EXT1: variants seen among roughly 807,000 people sequenced by gnomAD.
EXT1 encodes exostosin-1.
EXT1 carries 20 observed loss-of-function variants against 82.5 expected under a neutral mutation model. The observed-to-expected ratio is 0.24, with a 90% CI of 0.17 to 0.35. The LOEUF (loss-of-function observed/expected upper bound fraction) is 0.35, where lower values mean the gene tolerates loss of function less well. EXT1 is among the 10% of genes least tolerant of loss of function. The pLI, the probability that EXT1 is intolerant of heterozygous loss-of-function variation, is 1.00. For synonymous variants in EXT1, 348 were observed against 350.8 expected (o/e 0.99, Z 0.09); for missense variants, 757 against 936.5 (o/e 0.81, Z 2.50).
chr8:117,961,128 C>CCCTCCTTG (rs1474194820), intron 1 of EXT1, among the ~76,000 whole-genome samples: 1 of 151,836 alleles, frequency 6.6e-6, no homozygotes, highest in African/African-American at 2.4e-5. Flanking sequence ...TTCCCTCCTT[C>CCCTCCTTG]CCTCCTTCCC....
chr8:118,032,030 T>G (rs1289851325), intron 1 of EXT1, among the ~76,000 whole-genome samples: 1 of 151,476 alleles, frequency 6.6e-6, no homozygotes, highest in Non-Finnish European at 1.5e-5. Flanking sequence ...TGCCACACCC[T>G]TGCAGTGACT....
intron 1 of EXT1, among the ~76,000 whole-genome samples, chr8:118,071,757 T>C (rs1190992673): frequency 6.6e-6 from 1 of 152,128 alleles, no homozygotes; most frequent in Non-Finnish European, 1.5e-5. Flanking sequence ...GACAGAAACG[T>C]TCCTTTTCTG....
chr8:118,051,020 G>C (rs1816708222), intron 1 of EXT1, among the ~76,000 whole-genome samples: 1 of 152,138 alleles, frequency 6.6e-6, no homozygotes, highest in Admixed American at 6.5e-5. Flanking sequence ...AGCAGAGAAG[G>C]TATAATCCAT....
At chr8:117,986,710 C>T (rs116007758) in intron 1 of EXT1, among the ~76,000 whole-genome samples, 2,065 of 152,266 alleles carry the variant, frequency 0.014, 47 homozygotes, top group African/African-American at 0.047. Flanking sequence ...ACATACCGGA[C>T]CACTTCGTGG....
intron 1 of EXT1, among the ~76,000 whole-genome samples, chr8:117,994,732 A>G (rs1815501914): frequency 6.6e-6 from 1 of 152,056 alleles, no homozygotes; most frequent in Admixed American, 6.5e-5. Flanking sequence ...CCATGGAGCT[A>G]GCAAGTCTAA....
chr8:117,943,601 G>A (rs986672508), intron 1 of EXT1, among the ~76,000 whole-genome samples: 2 of 152,200 alleles, frequency 1.3e-5, no homozygotes, highest in African/African-American at 4.8e-5. Context: ...GTGTTTGCAC[G>A]TACATGCCTG....
chr8:118,065,995 G>A (rs922330241), intron 1 of EXT1, among the ~76,000 whole-genome samples: 2 of 152,186 alleles, frequency 1.3e-5, no homozygotes, highest in African/African-American at 4.8e-5. Context: ...GGCCATTCCA[G>A]TTCCAATAAG....
At chr8:117,874,303 C>T (rs886462730) in intron 1 of EXT1, among the ~76,000 whole-genome samples, 14 of 151,850 alleles carry the variant, frequency 9.2e-5, no homozygotes, top group African/African-American at 2.4e-4. Context: ...CAATCCTGGC[C>T]GGACGTGGTA....
At chr8:117,876,818 GA>G (rs1267657789) in intron 1 of EXT1, among the ~76,000 whole-genome samples, 7 of 152,156 alleles carry the variant, frequency 4.6e-5, no homozygotes, top group African/African-American at 1.7e-4. Flanking sequence ...GATATTTACG[GA>G]AGCGCGTATT....
At chr8:117,901,437 T>C (rs1218165040) in intron 1 of EXT1, among the ~76,000 whole-genome samples, 1 of 152,156 alleles carries the variant, frequency 6.6e-6, no homozygotes, top group Non-Finnish European at 1.5e-5. Flanking sequence ...CTTGCAAGAC[T>C]GGGCACTGCT....
chr8:117,963,972 T>C (rs769806373), intron 1 of EXT1, among the ~76,000 whole-genome samples: 1 of 152,208 alleles, frequency 6.6e-6, no homozygotes, highest in African/African-American at 2.4e-5. Context: ...TGAGGTTCAT[T>C]TGATGAAAGT....
At chr8:117,995,646 T>G (rs1171462170) in intron 1 of EXT1, among the ~76,000 whole-genome samples, 2 of 152,070 alleles carry the variant, frequency 1.3e-5, no homozygotes, top group Non-Finnish European at 2.9e-5. Context: ...GACATCTCTT[T>G]CTCTCTCTCT....
intron 1 of EXT1, among the ~76,000 whole-genome samples, chr8:117,908,992 C>T (rs1407834255): frequency 2.0e-5 from 3 of 151,716 alleles, no homozygotes; most frequent in East Asian, 1.9e-4. Flanking sequence ...ATTAGCTGGG[C>T]GTGGTTGTAC....
At chr8:117,973,080 C>A (rs1814974366) in intron 1 of EXT1, among the ~76,000 whole-genome samples, 1 of 152,142 alleles carries the variant, frequency 6.6e-6, no homozygotes, top group Admixed American at 6.5e-5. Context: ...AAACACAAAC[C>A]ATGTAGTATT....
At position 118,014,147 on chromosome 8, in the gene EXT1, G is replaced by A. The variant is rs368871926; in HGVS notation, c.962+95938C>T. On this transcript the variant is annotated intron_variant, in intron 1 of 10. Coordinates refer to ENST00000378204, the MANE Select transcript of EXT1 (RefSeq NM_000127.3). ...TTCATTTATTAAGTGCTCAACAAAT[G>A]TTAGCCTTCTTTGCTCTTTGAGCCT... Among the ~76,000 whole-genome samples, 17 of 152,276 alleles carry A rather than the reference G, an allele frequency of 1.1e-4. No individual in the cohort carries two copies. The South Asian group carries it at 2.7e-3, about 24-fold the overall frequency.
intron 1 of EXT1, among the ~76,000 whole-genome samples, chr8:117,897,353 A>G (rs896403511): frequency 1.3e-5 from 2 of 152,156 alleles, no homozygotes; most frequent in African/African-American, 2.4e-5. Context: ...CTAAGGGCTG[A>G]CTGCTCTCCC....
intron 1 of EXT1, among the ~76,000 whole-genome samples, chr8:117,909,131 C>G (rs910726570): frequency 4.1e-5 from 6 of 147,728 alleles, no homozygotes; most frequent in African/African-American, 1.5e-4. Flanking sequence ...GACTCTGTCT[C>G]AAAAAAAAAA....
chr8:117,811,917 T>G (rs747882958), intron 8 of EXT1, among the ~76,000 whole-genome samples: 1 of 152,234 alleles, frequency 6.6e-6, no homozygotes, highest in South Asian at 2.1e-4. Context: ...TCAGGCCACA[T>G]CTGTGGAATT....
chr8:117,917,517 C>T (rs1277708952), intron 1 of EXT1, among the ~76,000 whole-genome samples: 1 of 151,952 alleles, frequency 6.6e-6, no homozygotes, highest in East Asian at 1.9e-4. Context: ...ACGTCTGCTC[C>T]TTTAATATTT....
Sources: allele counts gnomAD v4.1 joint callset (sites outside exome capture counted in the v4.1 genomes callset), GRCh38; gene constraint gnomAD v4.1.1; transcripts MANE v1.5; gene names NCBI Gene and HGNC (gene_info 2026-07-23, HGNC 2026-07-21).